The following CTNNA3 variants were observed in gnomAD, a reference collection of about 807,000 sequenced individuals.
CTNNA3 encodes catenin alpha-3.
A neutral mutation model predicts 95.7 loss-of-function variants in CTNNA3; 76 were observed. The ratio of observed to expected loss-of-function variants is 0.79; its 90% CI spans 0.66 to 0.96. The LOEUF is 0.96. Ranked by LOEUF, CTNNA3 falls within the 40% of genes least tolerant of loss-of-function variation. The pLI is 0.00. For missense variants in CTNNA3, 1,191 were observed against 1,089.8 expected, an observed-to-expected ratio of 1.09 and a Z score of -1.31; for synonymous variants, 431 against 374.4, an observed-to-expected ratio of 1.15 and a Z score of -1.74.
intron 13 of CTNNA3, among the ~76,000 whole-genome samples, chr10:66,150,685 T>C (rs946464923): frequency 2.0e-5 from 3 of 151,954 alleles, no homozygotes; most frequent in Non-Finnish European, 4.4e-5. Flanking sequence ...TAATAGATTA[T>C]TATTAACTAT....
chr10:66,982,937 G>A (rs1280278341), intron 7 of CTNNA3, among the ~76,000 whole-genome samples: 4 of 152,124 alleles, frequency 2.6e-5, no homozygotes, highest in African/African-American at 9.7e-5. Context: ...TAAGCAGACT[G>A]TCTGCAGAGG....
chr10:67,464,470 G>A (rs1374866495), intron 5 of CTNNA3, among the ~76,000 whole-genome samples: 2 of 152,096 alleles, frequency 1.3e-5, no homozygotes, highest in Non-Finnish European at 2.9e-5. Flanking sequence ...AACTTGTGTT[G>A]GTTGTGTTGC....
At chr10:66,899,246 T>TAAAG in intron 7 of CTNNA3, among the ~76,000 whole-genome samples, 1 of 152,204 alleles carries the variant, frequency 6.6e-6, no homozygotes, top group Non-Finnish European at 1.5e-5. Flanking sequence ...CTGGAACCTT[T>TAAAG]GTCCACTGTT....
In CTNNA3 at chr10:67,301,994, CGAAAGAACGAAAGAAAGAAAGAAA is replaced by C. The variant is rs1399438943; in HGVS notation, c.580-82148_580-82125del. Among the ~76,000 whole-genome samples, 314 of 36,634 alleles carry C rather than the reference CGAAAGAACGAAAGAAAGAAAGAAA, an allele frequency of 8.6e-3. 5 individuals carry two copies. Among genetic ancestry groups the C allele is most frequent in the African/African-American group, 0.011 (37 of 3,322 alleles). 24.0% of individuals were successfully genotyped at this position (36,634 alleles called of 152,430 possible). A position where few individuals can be genotyped will look rare whatever the true frequency, so the allele number is the denominator to read the frequency against. ...AAAGAAAAAAGAAAGAAAGAAAGAA[CGAAAGAACGAAAGAAAGAAAGAAA>C]GAAAGAAAGAAAGAAAGAAAGAAAG... On this transcript the variant is annotated intron_variant, in intron 5 of 17. Coordinates refer to ENST00000433211, the MANE Select transcript of CTNNA3 (RefSeq NM_013266.4).
intron 7 of CTNNA3, among the ~76,000 whole-genome samples, chr10:67,144,181 T>A (rs1860731756): frequency 6.6e-6 from 1 of 152,180 alleles, no homozygotes; most frequent in African/African-American, 2.4e-5. Context: ...CTGAGCAGGT[T>A]TCAACGTTGG....
chr10:66,194,180 C>T (rs7904019), intron 13 of CTNNA3, among the ~76,000 whole-genome samples: 1 of 151,948 alleles, frequency 6.6e-6, no homozygotes, highest in African/African-American at 2.4e-5. Flanking sequence ...TAAAACAGCA[C>T]AAAAATAGCA....
chr10:67,022,402 A>G (rs1853079296), intron 7 of CTNNA3, among the ~76,000 whole-genome samples: 1 of 152,136 alleles, frequency 6.6e-6, no homozygotes, highest in African/African-American at 2.4e-5. Context: ...ATAGAGAAGT[A>G]GAAAAGGAAA....
At chr10:66,407,386 A>G (rs1407083328) in intron 11 of CTNNA3, among the ~76,000 whole-genome samples, 1 of 152,018 alleles carries the variant, frequency 6.6e-6, no homozygotes, top group Non-Finnish European at 1.5e-5. Context: ...GTTTCTGTAC[A>G]ATATCACATA....
At chr10:66,614,968 T>C (rs1347245110) in intron 10 of CTNNA3, among the ~76,000 whole-genome samples, 1 of 151,978 alleles carries the variant, frequency 6.6e-6, no homozygotes, top group African/African-American at 2.4e-5. Context: ...CTTAAGAGGA[T>C]CTAATTCTTC....
intron 7 of CTNNA3, among the ~76,000 whole-genome samples, chr10:67,165,056 C>T (rs1372508447): frequency 3.9e-5 from 6 of 152,012 alleles, no homozygotes. Context: ...AAATCTGTAC[C>T]CAATTGTTCA....
At chr10:66,519,177 G>A (rs996689293) in intron 11 of CTNNA3, among the ~76,000 whole-genome samples, 9 of 152,000 alleles carry the variant, frequency 5.9e-5, no homozygotes, top group East Asian at 1.9e-4. Context: ...TAAAAAAGAC[G>A]AAAATGTGTT....
intron 5 of CTNNA3, among the ~76,000 whole-genome samples, chr10:67,234,682 G>T (rs1209835719): frequency 2.6e-5 from 4 of 151,824 alleles, no homozygotes; most frequent in Admixed American, 6.6e-5. Context: ...GCAGGAGAAG[G>T]AAATAAAGGG....
intron 13 of CTNNA3, among the ~76,000 whole-genome samples, chr10:66,229,125 C>T (rs2089463685): frequency 6.6e-6 from 1 of 152,044 alleles, no homozygotes; most frequent in African/African-American, 2.4e-5. Flanking sequence ...TAATTTAAAC[C>T]ATTTACCAAA....
intron 9 of CTNNA3, among the ~76,000 whole-genome samples, chr10:66,671,425 C>T (rs1846657763): frequency 1.3e-5 from 2 of 151,812 alleles, no homozygotes; most frequent in South Asian, 2.1e-4. Flanking sequence ...TTTAAAAATA[C>T]CAATTAAATG....
At chr10:67,088,342 A>C (rs1857425511) in intron 7 of CTNNA3, among the ~76,000 whole-genome samples, 1 of 151,994 alleles carries the variant, frequency 6.6e-6, no homozygotes, top group Admixed American at 6.6e-5. Flanking sequence ...TGTAGACATT[A>C]GCATGTGAAT....
At chr10:67,536,893 T>C (rs1156256918) in intron 4 of CTNNA3, among the ~76,000 whole-genome samples, 2 of 152,128 alleles carry the variant, frequency 1.3e-5, no homozygotes, top group Non-Finnish European at 2.9e-5. Flanking sequence ...ATCCTGATGA[T>C]CTCAGAAACA....
At chr10:66,134,240 C>A (rs1196105479) in intron 13 of CTNNA3, among the ~76,000 whole-genome samples, 1 of 151,918 alleles carries the variant, frequency 6.6e-6, no homozygotes, top group African/African-American at 2.4e-5. Flanking sequence ...TCATTTCCAC[C>A]CTGTTAGACT....
intron 7 of CTNNA3, among the ~76,000 whole-genome samples, chr10:67,036,747 CT>C (rs1454259768): frequency 1.3e-5 from 2 of 152,024 alleles, no homozygotes; most frequent in Non-Finnish European, 2.9e-5. Context: ...TAAATATTAT[CT>C]TTTTTCAATT....
intron 11 of CTNNA3, among the ~76,000 whole-genome samples, chr10:66,471,176 T>C (rs1839116351): frequency 6.6e-6 from 1 of 151,902 alleles, no homozygotes; most frequent in South Asian, 2.1e-4. Flanking sequence ...TTTGTAATTA[T>C]AAAGTCAATT....
Sources: gnomAD v4.1 joint callset for allele counts (sites outside exome capture counted in the v4.1 genomes callset) on GRCh38, gnomAD v4.1.1 for gene constraint, MANE v1.5 for transcripts, NCBI Gene and HGNC (gene_info 2026-07-23, HGNC 2026-07-21) for gene names.